FGF13: variants seen among roughly 807,000 people sequenced by gnomAD.
The protein encoded by FGF13 is fibroblast growth factor 13.
In FGF13, 2 loss-of-function variants were observed where a neutral mutation model predicts 19.5. The observed-to-expected ratio is 0.10, with a 90% CI of 0.04 to 0.32. The LOEUF (loss-of-function observed/expected upper bound fraction) is 0.32, where lower values mean the gene tolerates loss of function less well. Among genes scored for constraint, FGF13 ranks in the 10% least tolerant of loss-of-function variants. The pLI, the probability that FGF13 is intolerant of heterozygous loss-of-function variation, is 1.00. For missense variants in FGF13, 113 were observed against 192.7 expected (o/e 0.59, Z 2.45); for synonymous variants, 72 against 76.9 (o/e 0.94, Z 0.33).
At chrX:139,067,772 G>T (rs1181785115) in intron 1 of FGF13, among the ~76,000 whole-genome samples, 1 of 112,113 alleles carries the variant, frequency 8.9e-6, no homozygotes, top group Non-Finnish European at 1.9e-5. Flanking sequence ...TCACAGAATT[G>T]AATAAAACTA....
intron 1 of FGF13, among the ~76,000 whole-genome samples, chrX:138,907,343 C>G (rs1167274455): frequency 1.8e-5 from 2 of 111,798 alleles, no homozygotes; most frequent in African/African-American, 3.3e-5. Flanking sequence ...CTAGCTCCCC[C>G]TCCCCTCTCC....
intron 3 of FGF13, among the ~76,000 whole-genome samples, chrX:138,653,911 A>C (rs1190201737): frequency 8.9e-6 from 1 of 112,247 alleles, no homozygotes; most frequent in Non-Finnish European, 1.9e-5. Context: ...AGGGGTGATT[A>C]CATGCCTTTA....
chrX:139,024,206 CT>C (rs1438384380), intron 1 of FGF13, among the ~76,000 whole-genome samples: 3 of 111,422 alleles, frequency 2.7e-5, no homozygotes, highest in African/African-American at 9.8e-5. Flanking sequence ...AAAGTCTCCC[CT>C]GTAAGCCATT....
chrX:139,065,888 C>T (rs1267082685), intron 1 of FGF13, among the ~76,000 whole-genome samples: 3 of 111,549 alleles, frequency 2.7e-5, no homozygotes, highest in Non-Finnish European at 5.6e-5. Flanking sequence ...AGCACCACAT[C>T]GCACTTATTC....
chrX:138,862,573 T>C (rs1051247395), intron 2 of FGF13, among the ~76,000 whole-genome samples: 4 of 111,846 alleles, frequency 3.6e-5, no homozygotes, highest in Admixed American at 1.9e-4. Flanking sequence ...TCCATGTCAC[T>C]GAGCACCTGT....
chrX:138,875,379 C>A (rs1270833632), intron 1 of FGF13, among the ~76,000 whole-genome samples: 1 of 111,690 alleles, frequency 9.0e-6, no homozygotes, highest in Non-Finnish European at 1.9e-5. Context: ...CAGGAAACAG[C>A]CTGATGGAGG....
At chrX:138,758,222 A>G (rs957969208) in intron 3 of FGF13, among the ~76,000 whole-genome samples, 11 of 111,005 alleles carry the variant, frequency 9.9e-5, no homozygotes, top group African/African-American at 3.6e-4. Context: ...TCCTCCCTCA[A>G]TGTACATACC....
chrX:138,798,830 T>C (rs1308683829), intron 3 of FGF13, among the ~76,000 whole-genome samples: 2 of 112,317 alleles, frequency 1.8e-5, no homozygotes, highest in Non-Finnish European at 3.8e-5. Flanking sequence ...CCATTTCTTC[T>C]AGATTTTCTA....
At chrX:138,917,628 A>T (rs989741526) in intron 1 of FGF13, among the ~76,000 whole-genome samples, 3 of 112,521 alleles carry the variant, frequency 2.7e-5, no homozygotes, top group Non-Finnish European at 5.6e-5. Context: ...ATTCTAAATG[A>T]TAGCTCACTT....
At chrX:139,188,585 G>T (rs1289497147) in intron 1 of FGF13, among the ~76,000 whole-genome samples, 3 of 111,527 alleles carry the variant, frequency 2.7e-5, no homozygotes, top group Non-Finnish European at 5.6e-5. Flanking sequence ...AATTCACAGT[G>T]GAAATTCAGA....
chrX:138,998,250 C>T (rs1302626743), intron 1 of FGF13, among the ~76,000 whole-genome samples: 5 of 111,328 alleles, frequency 4.5e-5, no homozygotes, highest in Admixed American at 9.6e-5. Context: ...TGAGGACCAT[C>T]GACGCTATGA....
At chrX:138,858,110 C>T (rs1480923412) in intron 2 of FGF13, among the ~76,000 whole-genome samples, 1 of 111,765 alleles carries the variant, frequency 8.9e-6, no homozygotes, top group Non-Finnish European at 1.9e-5. Context: ...TGGTGAGGGC[C>T]TTACTTCCAA....
At chrX:138,852,534 T>A (rs1468814018), downstream of FGF13, among the ~76,000 whole-genome samples, 1 of 111,744 alleles carries the variant, frequency 8.9e-6, no homozygotes, top group Admixed American at 9.5e-5. Context: ...CTCTTCCTTG[T>A]ACCTTATACA....
chrX:139,198,575 G>A (rs1184696216), intron 1 of FGF13, among the ~76,000 whole-genome samples: 1 of 112,276 alleles, frequency 8.9e-6, no homozygotes, highest in Admixed American at 9.4e-5. Context: ...GCAGAGGCAA[G>A]ATCAGCCATG....
chrX:138,836,784 T>C (rs777812372), intron 3 of FGF13, among the ~76,000 whole-genome samples: 8 of 112,270 alleles, frequency 7.1e-5, no homozygotes, highest in Non-Finnish European at 1.3e-4. Flanking sequence ...CTCTAGCTTT[T>C]TGAGGTTTCA....
chrX:138,787,539 ATTTG>A (rs2090703271), intron 3 of FGF13, among the ~76,000 whole-genome samples: 1 of 111,455 alleles, frequency 9.0e-6, no homozygotes, highest in African/African-American at 3.3e-5. Context: ...CTTTTTGTTT[ATTTG>A]TTTGTTTGTT....
intron 1 of FGF13, among the ~76,000 whole-genome samples, chrX:138,984,608 G>GGAA (rs2091983886): frequency 1.8e-5 from 1 of 56,578 alleles, no homozygotes; most frequent in African/African-American, 6.2e-5. Context: ...AGGAGGAGGA[G>GGAA]GAGGAGGATG....
chrX:138,803,084 T>A (rs938541424), intron 3 of FGF13, among the ~76,000 whole-genome samples: 1 of 111,764 alleles, frequency 8.9e-6, no homozygotes, highest in Non-Finnish European at 1.9e-5. Flanking sequence ...TTTACCCAAT[T>A]ATTCCTGCAT....
At chrX:139,070,076 G>A (rs1232226026) in intron 1 of FGF13, among the ~76,000 whole-genome samples, 1 of 111,935 alleles carries the variant, frequency 8.9e-6, no homozygotes, top group South Asian at 3.7e-4. Flanking sequence ...CATGGGCAAA[G>A]TCTTCATGAC....
Sources: allele counts gnomAD v4.1 joint callset (sites outside exome capture counted in the v4.1 genomes callset), GRCh38; gene constraint gnomAD v4.1.1; transcripts MANE v1.5; gene names NCBI Gene and HGNC (gene_info 2026-07-23, HGNC 2026-07-21).